The following TOM1L2 variants were observed in gnomAD, a reference collection of about 807,000 sequenced individuals.
TOM1L2 encodes target of myb1 like 2 membrane trafficking protein, also known as TOM1-like protein 2.
In TOM1L2, 31 loss-of-function variants were observed where a neutral mutation model predicts 67.9. The observed-to-expected ratio is 0.46, with a 90% CI of 0.34 to 0.62. The LOEUF is 0.62. TOM1L2 is among the 20% of genes least tolerant of loss of function. The pLI is 0.01. For synonymous variants in TOM1L2, 256 were observed against 254.0 expected (o/e 1.01, Z -0.07); for missense variants, 606 against 663.5 (o/e 0.91, Z 0.95).
intron 1 of TOM1L2, among the ~76,000 whole-genome samples, chr17:17,917,816 G>A (rs1568271974): frequency 1.3e-5 from 2 of 151,980 alleles, no homozygotes; most frequent in Non-Finnish European, 2.9e-5. Context: ...TTAGCCAGGA[G>A]TGGTGGCTTA....
chr17:17,890,583 G>T (rs551119621), intron 4 of TOM1L2, among the ~76,000 whole-genome samples: 2 of 152,230 alleles, frequency 1.3e-5, no homozygotes, highest in Non-Finnish European at 2.9e-5. Context: ...CACAGCAATG[G>T]CAACGAAAGA....
intron 1 of TOM1L2, among the ~76,000 whole-genome samples, chr17:17,940,517 G>C (rs2040690490): frequency 6.6e-6 from 1 of 152,180 alleles, no homozygotes; most frequent in Non-Finnish European, 1.5e-5. Flanking sequence ...CCAGGAGAGA[G>C]TCCTGTGGGT....
chr17:17,946,778 G>A (rs1311553279), intron 1 of TOM1L2, among the ~76,000 whole-genome samples: 5 of 151,890 alleles, frequency 3.3e-5, no homozygotes, highest in South Asian at 4.2e-4. Context: ...AGGCTGGAGC[G>A]CAATGGCACA....
chr17:17,883,484 C>T (rs987658864), intron 5 of TOM1L2, among the ~76,000 whole-genome samples: 3 of 152,000 alleles, frequency 2.0e-5, no homozygotes, highest in South Asian at 2.1e-4. Context: ...CCTGTAATCT[C>T]AGCACTTTGG....
chr17:17,905,005 T>C (rs966325164), intron 2 of TOM1L2, among the ~76,000 whole-genome samples: 1 of 152,120 alleles, frequency 6.6e-6, no homozygotes, highest in Non-Finnish European at 1.5e-5. Flanking sequence ...CCTCCACCCC[T>C]GGGGGTCAGT....
At chr17:17,938,981 G>GTCCC (rs2040621956) in intron 1 of TOM1L2, among the ~76,000 whole-genome samples, 2 of 152,108 alleles carry the variant, frequency 1.3e-5, no homozygotes, top group Non-Finnish European at 2.9e-5. Flanking sequence ...ACCTGGACTA[G>GTCCC]AATTCCATTC....
chr17:17,963,155 C>G (rs990304343), intron 1 of TOM1L2, among the ~76,000 whole-genome samples: 2 of 152,120 alleles, frequency 1.3e-5, no homozygotes, highest in African/African-American at 2.4e-5. Context: ...CCTTCACCAC[C>G]ACAGTTTACA....
chr17:17,932,975 C>A (rs546095539), intron 1 of TOM1L2, among the ~76,000 whole-genome samples: 1 of 152,200 alleles, frequency 6.6e-6, no homozygotes, highest in South Asian at 2.1e-4. Context: ...TAAAACATTA[C>A]CTTATCAGTT....
Position 17,893,787 on chromosome 17 carries a change from G to A in TOM1L2, c.240C>T (p.Asn80=). The A allele has an allele frequency of 6.2e-7, 1 of 1,614,156 alleles. No individual in the cohort carries two copies. Among genetic ancestry groups the A allele is most frequent in the African/African-American group, 1.3e-5 (1 of 75,052 alleles). The change falls in exon 4 of 15, where the codon AAC becomes AAT. Residue 80 remains asparagine (N), a synonymous_variant. Transcript: ENST00000379504. The part of the protein sequence containing the change: ...ALTVLETCVK[N]CGHRFHILVA... Reference sequence around the variant, plus strand: ...CAAGGATGTGGAAGCGGTGGCCACAGTTCTTCACACATGTCTCCAGCACCT... The same window carrying A: ...CAAGGATGTGGAAGCGGTGGCCACAATTCTTCACACATGTCTCCAGCACCT...
intron 1 of TOM1L2, among the ~76,000 whole-genome samples, chr17:17,940,431 A>T (rs2144783338): frequency 6.6e-6 from 1 of 152,252 alleles, no homozygotes; most frequent in Non-Finnish European, 1.5e-5. Context: ...TCATGCTGCC[A>T]ATATGAGGGA....
At chr17:17,890,019 T>C (rs2038194293) in intron 4 of TOM1L2, among the ~76,000 whole-genome samples, 1 of 152,130 alleles carries the variant, frequency 6.6e-6, no homozygotes, top group African/African-American at 2.4e-5. Context: ...CAGTGACCTG[T>C]CACCTCCAAC....
intron 1 of TOM1L2, among the ~76,000 whole-genome samples, chr17:17,908,365 T>G (rs541131258): frequency 6.6e-6 from 1 of 152,186 alleles, no homozygotes; most frequent in South Asian, 2.1e-4. Flanking sequence ...GAAGAAAACA[T>G]AGTGAAAAAA....
intron 4 of TOM1L2, among the ~76,000 whole-genome samples, chr17:17,889,209 G>A (rs749600116): frequency 6.6e-6 from 1 of 152,232 alleles, no homozygotes; most frequent in Non-Finnish European, 1.5e-5. Context: ...CCAGAAGACA[G>A]AAAGCCCCCA....
intron 1 of TOM1L2, among the ~76,000 whole-genome samples, chr17:17,926,176 G>GAAA (rs57599370): frequency 2.9e-5 from 3 of 103,154 alleles, no homozygotes; most frequent in Non-Finnish European, 4.2e-5. Context: ...GTCTCTTGGA[G>GAAA]AAAAAAAAAA....
chr17:17,949,322 A>T (rs575708864), intron 1 of TOM1L2, among the ~76,000 whole-genome samples: 5 of 152,200 alleles, frequency 3.3e-5, no homozygotes, highest in African/African-American at 4.8e-5. Context: ...CAGAGCATAG[A>T]GCATAGGGCC....
At chr17:17,847,979 G>T (rs557476200) in intron 14 of TOM1L2, among the ~76,000 whole-genome samples, 196 bp from the exon 15 acceptor site, 1 of 152,294 alleles carries the variant, frequency 6.6e-6, no homozygotes, top group African/African-American at 2.4e-5. Context: ...CTGCCCTGGA[G>T]GGAAAGGCTC....
At chr17:17,869,718 T>G in intron 7 of TOM1L2, 1 of 1,194,598 alleles carries the variant, frequency 8.4e-7, no homozygotes, top group Non-Finnish European at 1.1e-6. Flanking sequence ...TGTATACAAG[T>G]ACATGCTTGT....
intron 1 of TOM1L2, among the ~76,000 whole-genome samples, chr17:17,942,880 T>C (rs924523841): frequency 1.2e-4 from 18 of 152,186 alleles, no homozygotes; most frequent in Non-Finnish European, 1.5e-5. Flanking sequence ...AGATGAGAAC[T>C]TGGGGCTCAG....
chr17:17,925,159 C>T (rs1420116158), intron 1 of TOM1L2, among the ~76,000 whole-genome samples: 1 of 152,140 alleles, frequency 6.6e-6, no homozygotes, highest in Admixed American at 6.5e-5. Context: ...ATACAGCCTG[C>T]AAAACCATGA....
Sources: allele counts gnomAD v4.1 joint callset (sites outside exome capture counted in the v4.1 genomes callset), GRCh38; gene constraint gnomAD v4.1.1; transcripts MANE v1.5; gene names NCBI Gene and HGNC (gene_info 2026-07-23, HGNC 2026-07-21).